Variants in SAMMSON observed in about 807,000 individuals in gnomAD.
The protein encoded by SAMMSON is survival associated mitochondrial melanoma specific oncogenic non-coding RNA.
intron 2 of SAMMSON, among the ~76,000 whole-genome samples, chr3:70,406,327 T>A (rs2193549): frequency 0.74 from 111,887 of 152,090 alleles, 41,323 homozygotes; most frequent in Non-Finnish European, 0.76. Flanking sequence ...TTCCATATCC[T>A]ATGAAAATAT....
intron 6 of SAMMSON, among the ~76,000 whole-genome samples, chr3:70,263,632 T>C (rs1052014933): frequency 6.6e-6 from 1 of 152,200 alleles, no homozygotes; most frequent in Non-Finnish European, 1.5e-5. Flanking sequence ...GTAGATGGTA[T>C]TCAGCAAAAG....
intron 4 of SAMMSON, among the ~76,000 whole-genome samples, chr3:70,083,525 A>G (rs2067274159): frequency 1.3e-5 from 2 of 152,196 alleles, no homozygotes; most frequent in Admixed American, 1.3e-4. Context: ...GTTCAAAGAC[A>G]GCATCAGGAC....
In SAMMSON at chr3:70,017,062, C is replaced by T. The variant is rs533283806; in HGVS notation, n.417+3390C>T. ...TTCTTTTGGCTTAGGATTGACTTGG[C>T]GATGTGGGCTCTTTTTTGGTTCTAT... On this transcript the variant is annotated intron_variant and non_coding_transcript_variant, in intron 3 of 9. Coordinates refer to ENST00000642114, the Ensembl canonical transcript of SAMMSON. Among the ~76,000 whole-genome samples the T allele has an allele frequency of 1.2e-4, 18 of 152,146 alleles. 1 individual carries two copies. The highest frequency in any genetic ancestry group is 1.9e-4 in the East Asian group (1 of 5,174).
chr3:70,108,781 G>A (rs1377462536), intron 4 of SAMMSON, among the ~76,000 whole-genome samples: 1 of 152,008 alleles, frequency 6.6e-6, no homozygotes, highest in South Asian at 2.1e-4. Flanking sequence ...AAGAGAAGAT[G>A]CTCCAGAATG....
chr3:70,235,016 T>C (rs749775249), intron 4 of SAMMSON, among the ~76,000 whole-genome samples: 1 of 152,208 alleles, frequency 6.6e-6, no homozygotes, highest in Non-Finnish European at 1.5e-5. Flanking sequence ...TAGCCAGGCT[T>C]GAGAACCTCT....
intron 7 of SAMMSON, among the ~76,000 whole-genome samples, chr3:70,293,117 A>T (rs946807377): frequency 6.6e-6 from 1 of 151,312 alleles, no homozygotes; most frequent in Non-Finnish European, 1.5e-5. Flanking sequence ...GTATTCACCA[A>T]CTGCTGCTCT....
intron 4 of SAMMSON, among the ~76,000 whole-genome samples, chr3:70,154,457 T>G (rs145469731): frequency 1.7e-3 from 261 of 152,144 alleles, no homozygotes; most frequent in Middle Eastern, 3.4e-3. Context: ...AAGCACTGTA[T>G]TACATTGCCT....
intron 9 of SAMMSON, among the ~76,000 whole-genome samples, chr3:70,381,788 A>G (rs1703070977): frequency 1.3e-5 from 2 of 152,162 alleles, no homozygotes. Flanking sequence ...CTTCAAGCCA[A>G]TAGCTTTTGG....
At chr3:70,007,239 G>A (rs1008211542) in intron 1 of SAMMSON, among the ~76,000 whole-genome samples, 69 of 152,228 alleles carry the variant, frequency 4.5e-4, no homozygotes, top group African/African-American at 1.5e-3. Context: ...TTCCACAATG[G>A]TTGAACTAGT....
At chr3:70,028,466 C>T (rs1441621573) in intron 3 of SAMMSON, among the ~76,000 whole-genome samples, 3 of 152,058 alleles carry the variant, frequency 2.0e-5, no homozygotes, top group African/African-American at 7.2e-5. Context: ...GGCTGTGAGA[C>T]TCTTGTTCTT....
intron 1 of SAMMSON, among the ~76,000 whole-genome samples, chr3:70,003,312 G>T (rs755606264): frequency 1.4e-4 from 21 of 151,824 alleles, no homozygotes; most frequent in Non-Finnish European, 2.1e-4. Flanking sequence ...TTTAAATGGA[G>T]CATTTAGTAC....
intron 3 of SAMMSON, among the ~76,000 whole-genome samples, chr3:70,046,606 C>A (rs1296384255): frequency 6.6e-6 from 1 of 152,048 alleles, no homozygotes; most frequent in African/African-American, 2.4e-5. Flanking sequence ...GCCTGGGAAT[C>A]CTGTTTCTTT....
chr3:70,332,794 C>CCGTTT (rs1702631309), intron 7 of SAMMSON: 1 of 152,224 alleles, frequency 6.6e-6, no homozygotes, highest in Admixed American at 6.5e-5. Context: ...CGGGGTTTCA[C>CCGTTT]CGTTTTAGCC....
At chr3:70,425,908 T>C (rs1701362287) in intron 2 of SAMMSON, among the ~76,000 whole-genome samples, 1 of 152,184 alleles carries the variant, frequency 6.6e-6, no homozygotes, top group African/African-American at 2.4e-5. Context: ...ATAAACATTT[T>C]TGAAGTTATC....
intron 9 of SAMMSON, among the ~76,000 whole-genome samples, chr3:70,371,730 T>C (rs1268740889): frequency 6.6e-6 from 1 of 152,166 alleles, no homozygotes; most frequent in Non-Finnish European, 1.5e-5. Flanking sequence ...TAAGAGTTTC[T>C]TCGTGGAGTC....
At chr3:70,190,425 G>T (rs1701122545) in intron 4 of SAMMSON, among the ~76,000 whole-genome samples, 1 of 152,072 alleles carries the variant, frequency 6.6e-6, no homozygotes, top group African/African-American at 2.4e-5. Flanking sequence ...TTTTTCATCT[G>T]CTCCTTAATA....
At chr3:70,084,494 G>A (rs1320849268) in intron 4 of SAMMSON, among the ~76,000 whole-genome samples, 8 of 152,118 alleles carry the variant, frequency 5.3e-5, no homozygotes, top group Admixed American at 4.6e-4. Flanking sequence ...ATTTCTCAGA[G>A]GATATACTGG....
At chr3:70,194,910 G>T (rs977906498) in intron 4 of SAMMSON, among the ~76,000 whole-genome samples, 16 of 152,262 alleles carry the variant, frequency 1.1e-4, no homozygotes, top group African/African-American at 3.1e-4. Flanking sequence ...TCAGAGAGGA[G>T]CCAAGAGGGA....
At chr3:70,310,490 T>C (rs892757607) in intron 7 of SAMMSON, among the ~76,000 whole-genome samples, 1 of 151,932 alleles carries the variant, frequency 6.6e-6, no homozygotes, top group Non-Finnish European at 1.5e-5. Flanking sequence ...CTCAGCCTCC[T>C]GAGTAGCTGG....
Sources: gnomAD v4.1 joint callset for allele counts (sites outside exome capture counted in the v4.1 genomes callset) on GRCh38, gnomAD v4.1.1 for gene constraint, MANE v1.5 for transcripts, NCBI Gene and HGNC (gene_info 2026-07-23, HGNC 2026-07-21) for gene names.